Variants in SLC24A2 observed in about 807,000 individuals in gnomAD.
SLC24A2 encodes solute carrier family 24 member 2, also known as sodium/potassium/calcium exchanger 2.
A neutral mutation model predicts 62.0 loss-of-function variants in SLC24A2; 36 were observed. That is an observed-to-expected ratio of 0.58 (90% CI 0.44 to 0.77). The LOEUF (loss-of-function observed/expected upper bound fraction) is 0.77, where lower values mean the gene tolerates loss of function less well. SLC24A2 is among the 30% of genes least tolerant of loss of function. The probability of loss-of-function intolerance (pLI) is 0.00; values close to 1 mark genes in which losing one functional copy is unlikely to be tolerated. For synonymous variants in SLC24A2, 358 were observed against 294.0 expected (o/e 1.22, Z -2.23); for missense variants, 846 against 817.9 (o/e 1.03, Z -0.42).
the SLC24A2 span, among the ~76,000 whole-genome samples, chr9:19,977,787 G>T: frequency 3.5e-4 from 53 of 152,288 alleles, no homozygotes; most frequent in Admixed American, 1.5e-3. Flanking sequence ...AAGAGGGAGA[G>T]ACTTCACCTA....
At chr9:20,221,497 A>T in the SLC24A2 span, among the ~76,000 whole-genome samples, 1 of 152,100 alleles carries the variant, frequency 6.6e-6, no homozygotes, top group African/African-American at 2.4e-5. Flanking sequence ...AGATGTTAAG[A>T]GGAGAAGGTA....
the SLC24A2 span, among the ~76,000 whole-genome samples, chr9:20,222,860 T>G: frequency 1.1e-4 from 17 of 152,112 alleles, no homozygotes; most frequent in Admixed American, 5.2e-4. Context: ...AAGCATTATC[T>G]TAATAAAGCA....
rs187163490 is a variant in SLC24A2 at position 19,585,703 on chromosome 9, T to C, written c.1130-8681A>G. Among the ~76,000 whole-genome samples, 13 of 152,324 alleles carry C rather than the reference T, an allele frequency of 8.5e-5. No individual in the cohort carries two copies. In the East Asian group the frequency reaches 1.9e-3, roughly 23 times the overall value. On this transcript the variant is annotated intron_variant, in intron 5 of 10. Coordinates refer to ENST00000341998, the MANE Select transcript of SLC24A2 (RefSeq NM_020344.4). ...TTTTGGACTTTAATTGTAATAGAAGTAACTAACATGTTTTTCTAGCAGCTT... is the reference window on the plus strand; with the variant it reads ...TTTTGGACTTTAATTGTAATAGAAGCAACTAACATGTTTTTCTAGCAGCTT...
the SLC24A2 span, among the ~76,000 whole-genome samples, chr9:19,877,756 T>C: frequency 6.6e-6 from 1 of 152,084 alleles, no homozygotes; most frequent in East Asian, 1.9e-4. Context: ...CTGGAATGGA[T>C]ATTTGGATTC....
chr9:20,229,127 TG>T, the SLC24A2 span, among the ~76,000 whole-genome samples: 1 of 152,150 alleles, frequency 6.6e-6, no homozygotes, highest in Non-Finnish European at 1.5e-5. Context: ...TAATTCCACT[TG>T]TTTTTTCCAT....
the SLC24A2 span, among the ~76,000 whole-genome samples, chr9:19,890,519 G>T: frequency 6.6e-6 from 1 of 152,128 alleles, no homozygotes. Context: ...CTCTGGTTTT[G>T]TGTGTCAGCA....
upstream of SLC24A2, among the ~76,000 whole-genome samples, chr9:19,792,466 G>A (rs1168422773): frequency 2.0e-5 from 3 of 149,994 alleles, no homozygotes; most frequent in Admixed American, 2.0e-4. Context: ...AGGCTGAGGT[G>A]GATCACCTGA....
chr9:20,122,619 G>C, the SLC24A2 span, among the ~76,000 whole-genome samples: 2 of 152,158 alleles, frequency 1.3e-5, no homozygotes, highest in African/African-American at 2.4e-5. Context: ...CCAGGAAGCA[G>C]AGATTGCAGT....
chr9:19,595,717 G>A (rs1563988178), intron 5 of SLC24A2, among the ~76,000 whole-genome samples: 1 of 152,182 alleles, frequency 6.6e-6, no homozygotes, highest in Admixed American at 6.5e-5. Flanking sequence ...GGAAGGAAAG[G>A]AGAAGGGGAT....
intron 2 of SLC24A2, among the ~76,000 whole-genome samples, chr9:19,673,438 T>TGTGTGC (rs1819474910): frequency 9.4e-6 from 1 of 106,886 alleles, no homozygotes; most frequent in Non-Finnish European, 2.1e-5. Flanking sequence ...TGTGTATGTG[T>TGTGTGC]GTGTGCGTGT....
At chr9:19,822,952 C>A in the SLC24A2 span, among the ~76,000 whole-genome samples, 1 of 152,132 alleles carries the variant, frequency 6.6e-6, no homozygotes, top group Non-Finnish European at 1.5e-5. Context: ...TCCTCTTCTC[C>A]TTCTCAGGAG....
the SLC24A2 span, among the ~76,000 whole-genome samples, chr9:20,034,607 C>T: frequency 1.3e-5 from 2 of 151,940 alleles, no homozygotes; most frequent in Non-Finnish European, 2.9e-5. Context: ...GCTGGGATTA[C>T]AGTGGCCCGC....
chr9:19,701,588 T>C (rs1326356212), intron 2 of SLC24A2, among the ~76,000 whole-genome samples: 1 of 152,228 alleles, frequency 6.6e-6, no homozygotes, highest in African/African-American at 2.4e-5. Flanking sequence ...AAGTTTGAAA[T>C]AGACCTTACT....
the SLC24A2 span, among the ~76,000 whole-genome samples, chr9:20,223,026 T>C: frequency 6.6e-6 from 1 of 151,964 alleles, no homozygotes; most frequent in Non-Finnish European, 1.5e-5. Flanking sequence ...AAAGAGTCTA[T>C]ACAAAGTTAA....
chr9:19,733,174 G>A (rs767555249), intron 2 of SLC24A2, among the ~76,000 whole-genome samples: 1 of 151,930 alleles, frequency 6.6e-6, no homozygotes, highest in Non-Finnish European at 1.5e-5. Flanking sequence ...TTTGGTGCCT[G>A]AGTCTCAATG....
At chr9:20,044,847 C>T in the SLC24A2 span, among the ~76,000 whole-genome samples, 7 of 152,110 alleles carry the variant, frequency 4.6e-5, no homozygotes, top group African/African-American at 1.7e-4. Flanking sequence ...AAAAATTACC[C>T]CCAACCACTC....
chr9:19,870,556 C>T, the SLC24A2 span, among the ~76,000 whole-genome samples: 1 of 152,050 alleles, frequency 6.6e-6, no homozygotes, highest in Non-Finnish European at 1.5e-5. Flanking sequence ...TATGGTAATC[C>T]TGTGTTTAAT....
At chr9:20,226,341 C>T in the SLC24A2 span, among the ~76,000 whole-genome samples, 3 of 152,126 alleles carry the variant, frequency 2.0e-5, no homozygotes, top group African/African-American at 4.8e-5. Flanking sequence ...TCAAGTCCAT[C>T]AGCCAGACAT....
chr9:19,963,143 G>A, the SLC24A2 span, among the ~76,000 whole-genome samples: 1 of 147,054 alleles, frequency 6.8e-6, no homozygotes, highest in Non-Finnish European at 1.5e-5. Context: ...AATAAATGGT[G>A]CTGGGAAAAC....
Sources: gnomAD v4.1 joint callset for allele counts (sites outside exome capture counted in the v4.1 genomes callset) on GRCh38, gnomAD v4.1.1 for gene constraint, MANE v1.5 for transcripts, NCBI Gene and HGNC (gene_info 2026-07-23, HGNC 2026-07-21) for gene names.